SCAPER: variants seen among roughly 807,000 people sequenced by gnomAD.
The protein encoded by SCAPER is S phase cyclin A-associated protein in the endoplasmic reticulum.
In SCAPER, 98 loss-of-function variants were observed where a neutral mutation model predicts 182.2. That is an observed-to-expected ratio of 0.54 (90% CI 0.46 to 0.64). The LOEUF (loss-of-function observed/expected upper bound fraction) is 0.64. SCAPER is among the 30% of genes least tolerant of loss of function. The probability of loss-of-function intolerance (pLI) is 0.00; values close to 1 mark genes in which losing one functional copy is unlikely to be tolerated. For synonymous variants in SCAPER, 605 were observed against 564.6 expected (o/e 1.07, Z -1.01); for missense variants, 1,432 against 1,690.0 (o/e 0.85, Z 2.68).
intron 23 of SCAPER, among the ~76,000 whole-genome samples, chr15:76,545,109 G>A (rs981552840): frequency 6.6e-5 from 10 of 152,120 alleles, no homozygotes; most frequent in African/African-American, 2.4e-4. Context: ...GGGGGCCAAT[G>A]AGATTTTTTT....
intron 17 of SCAPER, among the ~76,000 whole-genome samples, chr15:76,726,902 A>G (rs1339014735): frequency 6.6e-6 from 1 of 152,038 alleles, no homozygotes; most frequent in Non-Finnish European, 1.5e-5. Context: ...AAACTGAAAA[A>G]ATTTCTGGGT....
At chr15:76,526,218 G>C (rs2043183300) in intron 23 of SCAPER, among the ~76,000 whole-genome samples, 1 of 151,832 alleles carries the variant, frequency 6.6e-6, no homozygotes, top group African/African-American at 2.4e-5. Flanking sequence ...TTGAATATCT[G>C]AAAATAGCTT....
chr15:76,370,810 CAT>C (rs1323659001), intron 29 of SCAPER, among the ~76,000 whole-genome samples: 1 of 152,170 alleles, frequency 6.6e-6, no homozygotes, highest in Non-Finnish European at 1.5e-5. Context: ...CATTTCTACT[CAT>C]AAAACATGTT....
At chr15:76,449,438 G>C (rs1186921229) in intron 25 of SCAPER, among the ~76,000 whole-genome samples, 1 of 152,158 alleles carries the variant, frequency 6.6e-6, no homozygotes, top group Non-Finnish European at 1.5e-5. Context: ...GTAAATATTG[G>C]CTTAAGGTGT....
chr15:76,559,781 G>A lies in SCAPER; in HGVS notation c.2838+14377C>T, dbSNP rs148763504. Among the ~76,000 whole-genome samples the A allele has an allele frequency of 8.5e-3, 1,292 of 152,248 alleles. 16 individuals are homozygous for A. The highest frequency in any genetic ancestry group is 0.03 in the African/African-American group (1,241 of 41,532). ...GAGGTTGAGGACTGAAAAATTACCT[G>A]TTGGGTACTACGCTTATTACCTGGG... is the stretch of plus-strand genomic sequence containing the variant. On this transcript the variant is annotated intron_variant, in intron 23 of 31. Coordinates refer to ENST00000563290, the MANE Select transcript of SCAPER (RefSeq NM_020843.4).
At chr15:76,651,243 C>A (rs1189529078) in intron 21 of SCAPER, among the ~76,000 whole-genome samples, 3 of 151,816 alleles carry the variant, frequency 2.0e-5, no homozygotes, top group Non-Finnish European at 4.4e-5. Context: ...AAATTCTAGA[C>A]CAGAGATCGG....
intron 23 of SCAPER, among the ~76,000 whole-genome samples, chr15:76,531,800 G>C (rs2144558621): frequency 6.6e-6 from 1 of 152,208 alleles, no homozygotes; most frequent in East Asian, 1.9e-4. Context: ...GAGAGTTAGT[G>C]GTCTACTGAC....
chr15:76,710,519 A>T lies in SCAPER; in HGVS notation c.2166-4535T>A, dbSNP rs200435804. On this transcript the variant is annotated intron_variant, in intron 17 of 31. Transcript: ENST00000563290. Reference sequence around the variant, plus strand: ...AGAAAAATCCAAAAATGAACCAAAGAAAACAATTCCATTTACAGCAGCTTT... The same window carrying T: ...AGAAAAATCCAAAAATGAACCAAAGTAAACAATTCCATTTACAGCAGCTTT... Among the ~76,000 whole-genome samples the T allele has an allele frequency of 3.9e-5, 6 of 152,272 alleles. No homozygotes were observed. The East Asian group carries it at 1.2e-3, about 29-fold the overall frequency.
At chr15:76,783,322 G>C (rs896802599) in intron 8 of SCAPER, among the ~76,000 whole-genome samples, 3 of 152,056 alleles carry the variant, frequency 2.0e-5, no homozygotes, top group South Asian at 4.1e-4. Context: ...ACCCTCCCAA[G>C]ACTAAACTGG....
At chr15:76,391,325 T>C (rs984476399) in intron 27 of SCAPER, among the ~76,000 whole-genome samples, 7 of 152,356 alleles carry the variant, frequency 4.6e-5, no homozygotes, top group Non-Finnish European at 7.3e-5. Flanking sequence ...TTTTCTCATG[T>C]CACTAGCTAA....
intron 2 of SCAPER, 92 bp from the exon 3 acceptor site, chr15:76,862,625 A>G (rs2071967755): frequency 1.2e-6 from 1 of 835,588 alleles, no homozygotes; most frequent in African/African-American, 1.8e-5. Context: ...TTTCTCAGAA[A>G]GAAAACACTT....
intron 20 of SCAPER, among the ~76,000 whole-genome samples, chr15:76,680,240 T>C (rs1275802646): frequency 6.6e-6 from 1 of 151,882 alleles, no homozygotes. Context: ...ACCAAAAAAA[T>C]GCATGCAAAT....
intron 23 of SCAPER, among the ~76,000 whole-genome samples, chr15:76,563,966 C>A (rs976191273): frequency 6.6e-6 from 1 of 152,122 alleles, no homozygotes; most frequent in African/African-American, 2.4e-5. Flanking sequence ...AATTCAACAT[C>A]CCTTCATGTT....
At chr15:76,410,169 A>T (rs1381981768) in intron 26 of SCAPER, among the ~76,000 whole-genome samples, 1 of 152,110 alleles carries the variant, frequency 6.6e-6, no homozygotes, top group Non-Finnish European at 1.5e-5. Context: ...GCACCCCTAT[A>T]TTTGTATGTT....
chr15:76,896,476 A>C (rs1483643467), intron 1 of SCAPER, among the ~76,000 whole-genome samples: 1 of 152,220 alleles, frequency 6.6e-6, no homozygotes, highest in Non-Finnish European at 1.5e-5. Context: ...ACTGAAAATA[A>C]CACAAATAAA....
At chr15:76,355,605 A>G (rs895135144) in intron 29 of SCAPER, among the ~76,000 whole-genome samples, 2 of 151,732 alleles carry the variant, frequency 1.3e-5, no homozygotes, top group African/African-American at 4.8e-5. Context: ...TTAGATCTTC[A>G]TTGTTAAAAC....
At chr15:76,561,224 C>T (rs1404031521) in intron 23 of SCAPER, among the ~76,000 whole-genome samples, 1 of 152,144 alleles carries the variant, frequency 6.6e-6, no homozygotes, top group Non-Finnish European at 1.5e-5. Flanking sequence ...TGAGAAATAA[C>T]ATCACTCAAT....
rs116770422 is a variant in SCAPER at position 76,515,911 on chromosome 15, G to A, written c.2839-10937C>T. Among the ~76,000 whole-genome samples the A allele has an allele frequency of 5.0e-3, 759 of 152,272 alleles. 10 individuals are homozygous for A. Among genetic ancestry groups the A allele is most frequent in the African/African-American group, 0.017 (727 of 41,554 alleles). On this transcript the variant is annotated intron_variant, in intron 23 of 31. Transcript: ENST00000563290. ...ACAGCCCATCAATGAGAAAGAAAAG[G>A]CTTAGAATCCCACAGCCTTGGAAAA...
chr15:76,725,481 C>T (rs2060528279), intron 17 of SCAPER, among the ~76,000 whole-genome samples: 1 of 150,248 alleles, frequency 6.7e-6, no homozygotes, highest in Admixed American at 6.7e-5. Context: ...ATCAAAATCC[C>T]AATGACTTCT....
Sources: allele counts gnomAD v4.1 joint callset (sites outside exome capture counted in the v4.1 genomes callset), GRCh38; gene constraint gnomAD v4.1.1; transcripts MANE v1.5; gene names NCBI Gene and HGNC (gene_info 2026-07-23, HGNC 2026-07-21).